GCFC2: variants seen among roughly 807,000 people sequenced by gnomAD.
GCFC2 encodes GC-rich sequence DNA-binding factor 2.
In GCFC2, 102 loss-of-function variants were observed where a neutral mutation model predicts 99.4. The ratio of observed to expected loss-of-function variants is 1.03; its 90% CI spans 0.87 to 1.21. The LOEUF (loss-of-function observed/expected upper bound fraction) is 1.21. Ranked by LOEUF, GCFC2 falls within the 50% of genes most tolerant of loss-of-function variation. The pLI, the probability that GCFC2 is intolerant of heterozygous loss-of-function variation, is 0.00. For missense variants in GCFC2, 973 were observed against 920.9 expected (o/e 1.06, Z -0.73); for synonymous variants, 338 against 316.8 (o/e 1.07, Z -0.71).
chr2:75,709,808 A>C (rs1412199134), intron 1 of GCFC2, among the ~76,000 whole-genome samples: 1 of 152,222 alleles, frequency 6.6e-6, no homozygotes, highest in Admixed American at 6.5e-5. Flanking sequence ...AAGTATATAC[A>C]TTTTTTACTT....
In GCFC2 at chr2:75,710,701, G is replaced by T; in HGVS notation, c.155C>A (p.Ala52Glu). 1 of 1,532,824 alleles carries T rather than the reference G, an allele frequency of 6.5e-7. No homozygotes were observed. 95.0% of individuals were successfully genotyped at this position (1,532,824 alleles called of 1,614,324 possible). Residue 52 changes from alanine to glutamate, a missense_variant, in exon 1 of 17, where the codon GCG (alanine) becomes GAG (glutamate). Physicochemically the swap from Ala to Glu is moderately radical, Grantham distance 107 (BLOSUM62 -1). Transcript: ENST00000321027. Reference protein sequence around the residue: ...EEEPPSGGGRAQVAGLPHRVR... With the variant: ...EEEPPSGGGREQVAGLPHRVR... The stretch of plus-strand genomic sequence containing the variant: ...CCGGTGGGGCAGTCCCGCCACCTGC[G>T]CGCGGCCTCCTCCAGAGGGCGGCTC...
chr2:75,680,561 T>A (rs1679528227), intron 11 of GCFC2, among the ~76,000 whole-genome samples: 1 of 152,216 alleles, frequency 6.6e-6, no homozygotes, highest in Non-Finnish European at 1.5e-5. Flanking sequence ...AGTCTCTGCC[T>A]GCAACCATGC....
chr2:75,711,259 G>C, upstream of GCFC2: 1 of 967,676 alleles, frequency 1.0e-6, no homozygotes, highest in Non-Finnish European at 1.2e-6. Flanking sequence ...TCTGGAGAGA[G>C]TGCCCCCTCC....
intron 7 of GCFC2, among the ~76,000 whole-genome samples, chr2:75,691,114 C>T (rs915205209): frequency 6.6e-6 from 1 of 152,142 alleles, no homozygotes; most frequent in Non-Finnish European, 1.5e-5. Context: ...CTTCTAAGAA[C>T]CCCAGTCGAT....
Position 75,664,599 on chromosome 2 carries a change from C to A in GCFC2, c.*67G>T. 2 of 734,484 alleles carry A rather than the reference C, an allele frequency of 2.7e-6. No homozygotes were observed. The highest frequency in any genetic ancestry group is 1.6e-5 in the South Asian group (1 of 61,082). The allele number at this position is 734,484 out of a possible 1,614,324, so 45.5% of individuals were successfully genotyped here. Reference sequence around the variant, plus strand: ...GGAATAAAGAAGAGAGAGGCACCAGCTTCTTCTCAAACAAAGGAACTGAGT... The same window carrying A: ...GGAATAAAGAAGAGAGAGGCACCAGATTCTTCTCAAACAAAGGAACTGAGT... On this transcript the variant is annotated 3_prime_UTR_variant, in exon 17 of 17. Transcript: ENST00000321027.
At chr2:75,677,744 C>T (rs1185752557) in intron 12 of GCFC2, among the ~76,000 whole-genome samples, 3 of 152,030 alleles carry the variant, frequency 2.0e-5, no homozygotes, top group East Asian at 3.9e-4. Flanking sequence ...TTTGGGAGGC[C>T]GAGGTGGGCG....
upstream of GCFC2, among the ~76,000 whole-genome samples, chr2:75,712,071 C>G (rs1211368846): frequency 2.6e-5 from 4 of 152,244 alleles, no homozygotes; most frequent in East Asian, 7.7e-4. Flanking sequence ...GTCTTTATGT[C>G]TAGCTCAGGG....
intron 4 of GCFC2, chr2:75,697,826 A>C (rs1680399969): frequency 6.5e-6 from 1 of 152,730 alleles, no homozygotes; most frequent in South Asian, 2.1e-4. Context: ...AAGATGCAAC[A>C]AAGAGAGATG....
At chr2:75,669,285 T>C (rs1370646705) in intron 15 of GCFC2, among the ~76,000 whole-genome samples, 1 of 152,172 alleles carries the variant, frequency 6.6e-6, no homozygotes, top group Non-Finnish European at 1.5e-5. Context: ...TTTCTAACTT[T>C]CTATTATACA....
intron 1 of GCFC2, among the ~76,000 whole-genome samples, chr2:75,709,526 G>C (rs72918128): frequency 0.03 from 4,611 of 152,252 alleles, 246 homozygotes; most frequent in African/African-American, 0.11. Context: ...CAGAAGCAGA[G>C]AGTCGAGTAG....
Position 75,672,024 on chromosome 2 carries a change from G to C in GCFC2, c.1890-8C>G, listed in dbSNP as rs755428710. ...GTTTTGTTTTCTACAGCACTAATTA[G>C]AAACAAACGAAAGAGAAGAGAAAAT... On this transcript the variant is annotated splice_polypyrimidine_tract_variant and splice_region_variant and intron_variant, in intron 13 of 16. Transcript: ENST00000321027. The C allele has an allele frequency of 2.7e-6, 4 of 1,464,508 alleles. No homozygotes were observed. The Admixed American group carries it at 5.0e-5, about 18-fold the overall frequency. 90.7% of individuals were successfully genotyped at this position (1,464,508 alleles called of 1,614,324 possible). A position where few individuals can be genotyped will look rare whatever the true frequency, so the allele number is the denominator to read the frequency against.
intron 4 of GCFC2, among the ~76,000 whole-genome samples, chr2:75,700,262 TAAATA>T (rs1041777803): frequency 9.9e-5 from 15 of 152,216 alleles, no homozygotes; most frequent in African/African-American, 2.9e-4. Flanking sequence ...TTTAAAAAAT[TAAATA>T]AAACACAAAA....
chr2:75,689,715 G>A (rs909819610), intron 9 of GCFC2, among the ~76,000 whole-genome samples: 5 of 152,054 alleles, frequency 3.3e-5, no homozygotes, highest in African/African-American at 1.2e-4. Context: ...ATGAAATGAA[G>A]ATGTTCATTA....
chr2:75,710,482 T>C lies in GCFC2; in HGVS notation c.265+109A>G, dbSNP rs116220019. The C allele has an allele frequency of 6.7e-4, 930 of 1,392,396 alleles. 7 individuals carry two copies. In the African/African-American group the frequency reaches 0.013, roughly 19 times the overall value. 86.3% of individuals were successfully genotyped at this position (1,392,396 alleles called of 1,614,324 possible). A position where few individuals can be genotyped will look rare whatever the true frequency, so the allele number is the denominator to read the frequency against. On this transcript the variant is annotated intron_variant, in intron 1 of 16. Transcript: ENST00000321027. ...CTTTCTGGATAAGACTCAGCATGGC[T>C]TGTGGTCGGCAGCAAGTTATAGAAC...
intron 13 of GCFC2, among the ~76,000 whole-genome samples, chr2:75,672,872 G>A (rs1679165863): frequency 6.6e-6 from 1 of 152,262 alleles, no homozygotes; most frequent in Non-Finnish European, 1.5e-5. Flanking sequence ...ATGTTCCTAG[G>A]ATATATGTAA....
intron 7 of GCFC2, among the ~76,000 whole-genome samples, chr2:75,691,103 C>T (rs551638153): frequency 2.6e-5 from 4 of 152,252 alleles, no homozygotes; most frequent in Non-Finnish European, 5.9e-5. Context: ...GCAGGGGACA[C>T]CTTCTAAGAA....
intron 12 of GCFC2, among the ~76,000 whole-genome samples, chr2:75,678,639 G>A (rs917835896): frequency 6.6e-6 from 1 of 152,194 alleles, no homozygotes; most frequent in Non-Finnish European, 1.5e-5. Context: ...TGGTCAGTGA[G>A]GCAAACTTGG....
At chr2:75,682,967 A>T (rs1353198633) in intron 11 of GCFC2, among the ~76,000 whole-genome samples, 1 of 151,900 alleles carries the variant, frequency 6.6e-6, no homozygotes, top group African/African-American at 2.4e-5. Context: ...TCTATGTTTG[A>T]TTGGTGTACC....
chr2:75,704,832 TGCC>T lies in GCFC2; in HGVS notation c.394+1688_394+1690del, dbSNP rs1558754487. Among the ~76,000 whole-genome samples the T allele has an allele frequency of 4.1e-4, 62 of 152,344 alleles. 1 individual carries two copies. The highest frequency in any genetic ancestry group is 1.5e-3 in the African/African-American group (61 of 41,598). On this transcript the variant is annotated intron_variant, in intron 2 of 16. Transcript: ENST00000321027. Reference sequence around the variant, plus strand: ...CCTGAATTACAGGTGCATGCCACCATGCCTGGCTAATTTTTACATTTTTAGTAA... The same window carrying T: ...CCTGAATTACAGGTGCATGCCACCATTGGCTAATTTTTACATTTTTAGTAA...
Sources: gnomAD v4.1 joint callset for allele counts (sites outside exome capture counted in the v4.1 genomes callset) on GRCh38, gnomAD v4.1.1 for gene constraint, MANE v1.5 for transcripts, NCBI Gene and HGNC (gene_info 2026-07-23, HGNC 2026-07-21) for gene names.